Variants in RFC3 observed in about 807,000 individuals in gnomAD.
RFC3 encodes A1 38 kDa subunit.
In RFC3, 41 loss-of-function variants were observed where a neutral mutation model predicts 45.1. The observed-to-expected ratio is 0.91, with a 90% confidence interval of 0.71 to 1.18. RFC3 has a LOEUF of 1.18. RFC3 is among the 50% of genes most tolerant of loss of function. RFC3 has a pLI of 0.00. For synonymous variants in RFC3, 149 were observed against 144.0 expected, an observed-to-expected ratio of 1.03 and a Z score of -0.25; for missense variants, 423 against 428.1, an observed-to-expected ratio of 0.99 and a Z score of 0.10.
chr13:33,890,211 A>G (rs1191042975), intron 8 of RFC3, among the ~76,000 whole-genome samples: 3 of 152,068 alleles, frequency 2.0e-5, no homozygotes, highest in African/African-American at 4.8e-5. Flanking sequence ...ACCCTTGGTA[A>G]TGTGTCACCT....
chr13:33,832,679 G>A (rs984803416), intron 7 of RFC3, among the ~76,000 whole-genome samples: 1 of 152,078 alleles, frequency 6.6e-6, no homozygotes. Flanking sequence ...ATTTTATTTT[G>A]TAAAATGTTG....
At chr13:33,944,802 G>T (rs2082945153) in intron 8 of RFC3, among the ~76,000 whole-genome samples, 1 of 151,978 alleles carries the variant, frequency 6.6e-6, no homozygotes, top group South Asian at 2.1e-4. Context: ...GCCAAGAGAT[G>T]AGAAGATATT....
rs963939027 is a variant in RFC3, at chr13:33,940,623, T to A, written c.880-25464T>A. Among the ~76,000 whole-genome samples the A allele has an allele frequency of 2.0e-5, 3 of 152,220 alleles. No homozygotes were observed. The East Asian group carries it at 5.8e-4, about 29-fold the overall frequency. On this transcript the variant is annotated intron_variant, in intron 8 of 8. Transcript: ENST00000434425. ...TGAAGTCATCAAATATTTTTATGTT[T>A]TTATTTCAATTTCTATTACCTTGTC...
In RFC3 at chr13:33,958,859, C is replaced by T. The variant is rs142564460; in HGVS notation, c.880-7228C>T. 5.3e-4 allele frequency among the ~76,000 whole-genome samples: 81 copies of T among 152,296 alleles called. No individual in the cohort carries two copies. The East Asian group carries it at 0.014, about 27-fold the overall frequency. On this transcript the variant is annotated intron_variant, in intron 8 of 8. Coordinates refer to the RFC3 transcript ENST00000434425. ...GGCACTTCCCATTTGCCTCCATGAT[C>T]TAGGACATGCCTGGTATTGCAGAGG... is the stretch of plus-strand genomic sequence containing the variant.
At chr13:33,874,329 GT>G (rs1299987270) in intron 8 of RFC3, among the ~76,000 whole-genome samples, 1 of 152,000 alleles carries the variant, frequency 6.6e-6, no homozygotes, top group Non-Finnish European at 1.5e-5. Flanking sequence ...TTTTGTTGTT[GT>G]TTTTTGGGAC....
At chr13:33,821,087 C>A in intron 1 of RFC3, 45 bp from the exon 2 acceptor site, 3 of 1,604,838 alleles carry the variant, frequency 1.9e-6, no homozygotes, top group East Asian at 2.2e-5. Flanking sequence ...CTACCTAGAG[C>A]AGTTCAGTTT....
chr13:33,863,060 C>T (rs1274836088), intron 8 of RFC3, among the ~76,000 whole-genome samples: 2 of 152,124 alleles, frequency 1.3e-5, no homozygotes, highest in African/African-American at 2.4e-5. Flanking sequence ...AGAATGTGTG[C>T]GTCTGTTTTG....
At chr13:33,969,115 A>T (rs1040435841), downstream of RFC3, among the ~76,000 whole-genome samples, 1 of 152,198 alleles carries the variant, frequency 6.6e-6, no homozygotes, top group Non-Finnish European at 1.5e-5. Flanking sequence ...TTTTGCAGCA[A>T]TGGGTTTTGA....
intron 7 of RFC3, among the ~76,000 whole-genome samples, chr13:33,833,105 C>A (rs1245411368): frequency 6.6e-6 from 1 of 152,106 alleles, no homozygotes; most frequent in African/African-American, 2.4e-5. Flanking sequence ...TTCCAGAAAG[C>A]CTTGGGGCTG....
chr13:33,828,253 C>G (rs1367893582), intron 4 of RFC3, among the ~76,000 whole-genome samples: 1 of 152,158 alleles, frequency 6.6e-6, no homozygotes, highest in Non-Finnish European at 1.5e-5. Flanking sequence ...TCCTTTGTCT[C>G]TCTTTTACCT....
intron 8 of RFC3, among the ~76,000 whole-genome samples, chr13:33,883,398 A>T (rs1191713774): frequency 6.6e-6 from 1 of 152,216 alleles, no homozygotes; most frequent in East Asian, 1.9e-4. Flanking sequence ...TTTAAGGGTT[A>T]TTAAAATGCC....
At chr13:33,965,461 T>G (rs1469998062) in intron 8 of RFC3, among the ~76,000 whole-genome samples, 2 of 152,190 alleles carry the variant, frequency 1.3e-5, no homozygotes, top group Non-Finnish European at 2.9e-5. Context: ...TAGTAGGCTA[T>G]CCTATGTAGC....
chr13:33,927,151 G>A (rs550575841), intron 8 of RFC3, among the ~76,000 whole-genome samples: 4 of 151,606 alleles, frequency 2.6e-5, no homozygotes, highest in African/African-American at 4.8e-5. Context: ...CGGGAGTGGC[G>A]TAAGTCTCAG....
intron 8 of RFC3, chr13:33,846,341 G>A (rs1229958422): frequency 1.3e-5 from 2 of 152,228 alleles, no homozygotes; most frequent in Non-Finnish European, 2.9e-5. Context: ...CCAGAGCTGG[G>A]TTCTTCCCTT....
intron 8 of RFC3, among the ~76,000 whole-genome samples, chr13:33,923,046 GA>G (rs1039365824): frequency 1.3e-5 from 2 of 152,094 alleles, no homozygotes; most frequent in African/African-American, 4.8e-5. Context: ...AACACATTAG[GA>G]AAAGTAGAGA....
At chr13:33,959,861 A>ATGGTTC (rs1023793775) in intron 8 of RFC3, among the ~76,000 whole-genome samples, 1 of 152,160 alleles carries the variant, frequency 6.6e-6, no homozygotes, top group African/African-American at 2.4e-5. Context: ...TAATTGGCTC[A>ATGGTTC]TGGTTCTGCA....
intron 8 of RFC3, among the ~76,000 whole-genome samples, chr13:33,909,746 A>G (rs1030194600): frequency 1.3e-5 from 2 of 152,088 alleles, no homozygotes; most frequent in African/African-American, 2.4e-5. Context: ...CATAATCAAA[A>G]TAAGAGTGTA....
At chr13:33,879,996 C>A (rs2082472464) in intron 8 of RFC3, among the ~76,000 whole-genome samples, 1 of 152,184 alleles carries the variant, frequency 6.6e-6, no homozygotes, top group Non-Finnish European at 1.5e-5. Context: ...CCCTTCTCTT[C>A]CACTTATAAG....
chr13:33,906,133 A>G (rs2082670580), intron 8 of RFC3, among the ~76,000 whole-genome samples: 1 of 152,120 alleles, frequency 6.6e-6, no homozygotes, highest in South Asian at 2.1e-4. Flanking sequence ...TAAGTGTCAC[A>G]TTGATCATAT....
Sources: allele counts gnomAD v4.1 joint callset (sites outside exome capture counted in the v4.1 genomes callset), GRCh38; gene constraint gnomAD v4.1.1; transcripts MANE v1.5; gene names NCBI Gene and HGNC (gene_info 2026-07-23, HGNC 2026-07-21).